PLPP3: variants seen among roughly 807,000 people sequenced by gnomAD.
PLPP3 encodes the protein phospholipid phosphatase 3.
Under a neutral mutation model 29.6 loss-of-function variants are expected in PLPP3, and 6 were observed. The observed-to-expected ratio is 0.20, with a 90% CI of 0.11 to 0.40. PLPP3 has a LOEUF of 0.40. Among genes scored for constraint, PLPP3 ranks in the 10% least tolerant of loss-of-function variants. The pLI, the probability that PLPP3 is intolerant of heterozygous loss-of-function variation, is 1.00. For synonymous variants in PLPP3, 152 were observed against 159.7 expected, an observed-to-expected ratio of 0.95 and a Z score of 0.36; for missense variants, 308 against 407.7, an observed-to-expected ratio of 0.76 and a Z score of 2.11.
At chr1:56,528,769 T>C (rs1645868749) in intron 2 of PLPP3, among the ~76,000 whole-genome samples, 1 of 150,510 alleles carries the variant, frequency 6.6e-6, no homozygotes, top group South Asian at 2.1e-4. Context: ...AGTTTGGAAA[T>C]ACCACCCCTC....
intron 1 of PLPP3, among the ~76,000 whole-genome samples, chr1:56,549,154 A>G (rs1372093902): frequency 6.6e-6 from 1 of 152,232 alleles, no homozygotes; most frequent in African/African-American, 2.4e-5. Flanking sequence ...AAAGGTTTCT[A>G]CTTTAGTCAT....
intron 1 of PLPP3, among the ~76,000 whole-genome samples, chr1:56,560,362 T>C (rs1646113378): frequency 1.3e-5 from 2 of 152,232 alleles, no homozygotes; most frequent in African/African-American, 4.8e-5. Flanking sequence ...ACCAAAACTG[T>C]ACCAAACATA....
intron 5 of PLPP3, among the ~76,000 whole-genome samples, chr1:56,502,323 A>G (rs146927175): frequency 1.3e-3 from 194 of 152,360 alleles, no homozygotes; most frequent in African/African-American, 4.5e-3. Context: ...GTAGATAACT[A>G]TAAAAGCAGA....
At chr1:56,502,728 G>A (rs776681949) in intron 5 of PLPP3, among the ~76,000 whole-genome samples, 10 of 152,166 alleles carry the variant, frequency 6.6e-5, no homozygotes, top group Non-Finnish European at 1.3e-4. Context: ...TTAGGCCGTA[G>A]GCTTTGATAC....
chr1:56,537,042 A>G lies in PLPP3; in HGVS notation c.210T>C (p.Asp70=). The change falls in exon 2 of 6, where the codon GAT becomes GAC. Residue 70 remains aspartate, a synonymous_variant. Coordinates refer to ENST00000371250, the MANE Select transcript of PLPP3 (RefSeq NM_003713.5). ...TTTTCAGTGGGTACTTGATGCTCTC[A>G]TCATTGCAGTAAAACCCTCGGTGGT... is the stretch of plus-strand genomic sequence containing the variant. The part of the protein sequence containing the change: ...KPYHRGFYCN[D]ESIKYPLKTG... 6.2e-7 allele frequency: 1 copy of G among 1,613,618 alleles called. No individual in the cohort carries two copies. Among genetic ancestry groups the G allele is most frequent in the Non-Finnish European group, 8.5e-7 (1 of 1,179,698 alleles).
intron 1 of PLPP3, among the ~76,000 whole-genome samples, 195 bp from the exon 2 acceptor site, chr1:56,537,307 C>T (rs1011044421): frequency 1.3e-5 from 2 of 152,122 alleles, no homozygotes; most frequent in African/African-American, 2.4e-5. Context: ...CTCCTTTCCA[C>T]ACCCCCATGA....
At chr1:56,570,110 C>T (rs941721071) in intron 1 of PLPP3, among the ~76,000 whole-genome samples, 1 of 152,192 alleles carries the variant, frequency 6.6e-6, no homozygotes, top group Non-Finnish European at 1.5e-5. Context: ...ATAGTAGGTG[C>T]TCAAGAATCA....
chr1:56,547,663 C>T (rs1161255059), intron 1 of PLPP3, among the ~76,000 whole-genome samples: 1 of 152,154 alleles, frequency 6.6e-6, no homozygotes, highest in African/African-American at 2.4e-5. Context: ...GAGGAGACTG[C>T]TGCTCAGTGA....
chr1:56,529,336 A>G (rs1645871811), intron 2 of PLPP3, among the ~76,000 whole-genome samples: 1 of 152,114 alleles, frequency 6.6e-6, no homozygotes, highest in South Asian at 2.1e-4. Context: ...AGGCAGTAGT[A>G]TGTATGTCTC....
At chr1:56,564,354 T>C (rs1269134741) in intron 1 of PLPP3, among the ~76,000 whole-genome samples, 1 of 152,208 alleles carries the variant, frequency 6.6e-6, no homozygotes, top group Non-Finnish European at 1.5e-5. Context: ...ATATTTTGCA[T>C]GTGGTGGTAC....
intron 2 of PLPP3, among the ~76,000 whole-genome samples, chr1:56,529,475 A>G (rs1645872687): frequency 6.6e-6 from 1 of 152,312 alleles, no homozygotes; most frequent in Non-Finnish European, 1.5e-5. Flanking sequence ...TGAATTGATG[A>G]ACTTCTTTTG....
chr1:56,577,696 G>C (rs1646245372), intron 1 of PLPP3, among the ~76,000 whole-genome samples: 1 of 152,144 alleles, frequency 6.6e-6, no homozygotes, highest in African/African-American at 2.4e-5. Context: ...ACTGAATTGG[G>C]AACACAGATG....
chr1:56,500,327 T>C (rs543649193), intron 5 of PLPP3, among the ~76,000 whole-genome samples: 1 of 152,182 alleles, frequency 6.6e-6, no homozygotes, highest in Non-Finnish European at 1.5e-5. Context: ...AGCAAGGGTG[T>C]TGAGGAAGCA....
At chr1:56,578,809 G>A in intron 1 of PLPP3, 69 bp downstream of exon 1, 1 of 1,407,672 alleles carries the variant, frequency 7.1e-7, no homozygotes, top group Non-Finnish European at 9.2e-7. Flanking sequence ...GCGCGGCCCC[G>A]GACTGGGCTG....
chr1:56,578,055 C>A (rs374149268), intron 1 of PLPP3, among the ~76,000 whole-genome samples: 2 of 152,146 alleles, frequency 1.3e-5, no homozygotes, highest in South Asian at 4.1e-4. Flanking sequence ...TAACTCCCAC[C>A]GCTCTTCCAG....
chr1:56,546,969 G>C (rs1336754715), intron 1 of PLPP3, among the ~76,000 whole-genome samples: 1 of 152,034 alleles, frequency 6.6e-6, no homozygotes, highest in Non-Finnish European at 1.5e-5. Flanking sequence ...TAATTCTAAA[G>C]AATAAAAAAT....
chr1:56,524,665 G>T lies in PLPP3; in HGVS notation c.298-111C>A. On this transcript the variant is annotated intron_variant, in intron 2 of 5. Coordinates refer to ENST00000371250, the MANE Select transcript of PLPP3 (RefSeq NM_003713.5). The surrounding 1 kb of genome is among the most constrained non-coding windows in gnomAD (Gnocchi z 4.3). ...GAATATTCAGTATTTGCAAAGGAGT[G>T]TCCTAATTTTCTATTTATGAAATAT... is the stretch of plus-strand genomic sequence containing the variant. 1 of 1,226,648 alleles carries T rather than the reference G, an allele frequency of 8.2e-7. No individual in the cohort carries two copies. Among genetic ancestry groups the T allele is most frequent in the Non-Finnish European group, 1.1e-6 (1 of 882,974 alleles). The allele number at this position is 1,226,648 out of a possible 1,614,324, so 76.0% of individuals were successfully genotyped here.
At chr1:56,539,674 G>A (rs1449334501) in intron 1 of PLPP3, among the ~76,000 whole-genome samples, 2 of 152,172 alleles carry the variant, frequency 1.3e-5, no homozygotes, top group East Asian at 3.8e-4. Context: ...GGGGGGCAGG[G>A]AAAGGCAGTG....
intron 1 of PLPP3, among the ~76,000 whole-genome samples, chr1:56,573,179 T>C (rs570534146): frequency 8.7e-4 from 132 of 152,342 alleles, no homozygotes; most frequent in African/African-American, 3.2e-3. Context: ...AAGAGTCACA[T>C]GGCTGGCAAC....
Sources: allele counts gnomAD v4.1 joint callset (sites outside exome capture counted in the v4.1 genomes callset), GRCh38; gene constraint gnomAD v4.1.1; non-coding constraint Gnocchi (gnomAD v3.1); transcripts MANE v1.5; gene names NCBI Gene and HGNC (gene_info 2026-07-23, HGNC 2026-07-21).